The following GRID1 variants were observed in gnomAD, a reference collection of about 807,000 sequenced individuals.
GRID1 encodes the protein glutamate ionotropic receptor delta type subunit 1, also known as glutamate receptor ionotropic, delta-1.
GRID1 carries 28 observed loss-of-function variants against 98.0 expected under a neutral mutation model. The observed-to-expected ratio is 0.29, with a 90% CI of 0.21 to 0.39. The LOEUF is 0.39. Among genes scored for constraint, GRID1 ranks in the 10% least tolerant of loss-of-function variants. The pLI is 1.00. For synonymous variants in GRID1, 553 were observed against 538.5 expected, an observed-to-expected ratio of 1.03 and a Z score of -0.37; for missense variants, 1,111 against 1,340.5, an observed-to-expected ratio of 0.83 and a Z score of 2.67.
intron 12 of GRID1, among the ~76,000 whole-genome samples, chr10:85,674,912 G>A (rs1841127352): frequency 6.6e-6 from 1 of 152,172 alleles, no homozygotes; most frequent in African/African-American, 2.4e-5. Flanking sequence ...CAGAAATTTA[G>A]AGTATCGTTC....
At chr10:85,923,112 A>G (rs1198674659) in intron 4 of GRID1, among the ~76,000 whole-genome samples, 2 of 128,404 alleles carry the variant, frequency 1.6e-5, no homozygotes, top group African/African-American at 6.5e-5. Flanking sequence ...TTTTGTCCCA[A>G]GCCTTTCCCA....
intron 8 of GRID1, among the ~76,000 whole-genome samples, chr10:85,773,428 C>A (rs1425189746): frequency 2.6e-5 from 4 of 152,176 alleles, no homozygotes; most frequent in Non-Finnish European, 4.4e-5. Context: ...CAGGGATGCC[C>A]CCTCTCACCA....
At chr10:85,699,600 A>C (rs563740615) in intron 12 of GRID1, among the ~76,000 whole-genome samples, 251 of 152,316 alleles carry the variant, frequency 1.6e-3, no homozygotes, top group Middle Eastern at 0.01. Context: ...CAGTTTATTA[A>C]AAGACTTTTA....
intron 4 of GRID1, among the ~76,000 whole-genome samples, chr10:86,120,866 G>T (rs1844654780): frequency 6.6e-6 from 1 of 152,102 alleles, no homozygotes. Flanking sequence ...CATCTGGTTT[G>T]CCGGCTGCCA....
chr10:85,716,455 A>C (rs970830439), intron 12 of GRID1, among the ~76,000 whole-genome samples: 1 of 152,044 alleles, frequency 6.6e-6, no homozygotes, highest in Non-Finnish European at 1.5e-5. Context: ...AGATATACCT[A>C]ATGCTAAATG....
intron 3 of GRID1, among the ~76,000 whole-genome samples, chr10:86,162,112 T>C (rs1411319549): frequency 6.6e-6 from 1 of 152,124 alleles, no homozygotes; most frequent in African/African-American, 2.4e-5. Context: ...CTAATTAAAA[T>C]TAAATATTAA....
Position 85,633,892 on chromosome 10 carries a change from C to T in GRID1, c.2193+13310G>A, listed in dbSNP as rs1026169436. Reference sequence around the variant, plus strand: ...ACCATAAAAGTTTACTGGTAGAGGGCTGGGCGAGGTGGCTCACATCTGTAA... The same window carrying T: ...ACCATAAAAGTTTACTGGTAGAGGGTTGGGCGAGGTGGCTCACATCTGTAA... On this transcript the variant is annotated intron_variant, in intron 13 of 15. Transcript: ENST00000327946. Among the ~76,000 whole-genome samples the T allele has an allele frequency of 2.0e-5, 3 of 152,236 alleles. No individual in the cohort carries two copies. In the East Asian group the frequency reaches 5.8e-4, roughly 29 times the overall value.
At chr10:85,893,199 C>T (rs1042204635) in intron 5 of GRID1, among the ~76,000 whole-genome samples, 3 of 152,066 alleles carry the variant, frequency 2.0e-5, no homozygotes, top group African/African-American at 7.2e-5. Flanking sequence ...ATGTTAAAAA[C>T]TCTCAGCAAA....
At chr10:86,046,227 A>C (rs1168569833) in intron 4 of GRID1, among the ~76,000 whole-genome samples, 1 of 152,192 alleles carries the variant, frequency 6.6e-6, no homozygotes, top group Non-Finnish European at 1.5e-5. Context: ...CCCCGAACCT[A>C]CAAGTAATTA....
intron 8 of GRID1, among the ~76,000 whole-genome samples, chr10:85,813,196 C>T (rs1005304313): frequency 8.6e-5 from 13 of 151,008 alleles, no homozygotes; most frequent in African/African-American, 2.7e-4. Context: ...GAAAACATTC[C>T]AAATTTGATA....
chr10:85,785,753 C>T (rs116634444), intron 8 of GRID1, among the ~76,000 whole-genome samples: 3 of 152,236 alleles, frequency 2.0e-5, no homozygotes, highest in South Asian at 4.2e-4. Context: ...ATCTCCACCC[C>T]CAGACTCCCA....
chr10:85,922,698 G>T (rs896421771), intron 4 of GRID1, among the ~76,000 whole-genome samples: 1 of 152,194 alleles, frequency 6.6e-6, no homozygotes, highest in Non-Finnish European at 1.5e-5. Flanking sequence ...ATGCAGGAGC[G>T]CAACGCCCCT....
At chr10:86,362,716 A>AC (rs904148010) in intron 2 of GRID1, among the ~76,000 whole-genome samples, 1 of 151,816 alleles carries the variant, frequency 6.6e-6, no homozygotes, top group African/African-American at 2.4e-5. Flanking sequence ...ACCAGCTCTG[A>AC]CCCCCCAGAC....
Position 85,727,875 on chromosome 10 carries a change from T to C in GRID1, c.1513A>G (p.Ile505Val), listed in dbSNP as rs778875375. 4 of 1,613,702 alleles carry C rather than the reference T, an allele frequency of 2.5e-6. No homozygotes were observed. Among genetic ancestry groups the C allele is most frequent in the Middle Eastern group, 1.7e-4 (1 of 5,874 alleles). ...CCTACCTTGCTGATGAGCTCCCCGA[T>C]CATCCCGTTCCAGGAGGTGTTATGG... ...QLHNTSWNGM[I>V]GELISKRADL... The change falls in exon 10 of 16, where the codon ATC (isoleucine) becomes GTC (valine). Residue 505 changes from isoleucine to valine, a missense_variant. Ile to Val is a conservative substitution (Grantham distance 29). Transcript: ENST00000327946.
At chr10:85,817,899 AAAAG>A (rs1842730384) in intron 8 of GRID1, among the ~76,000 whole-genome samples, 1 of 152,220 alleles carries the variant, frequency 6.6e-6, no homozygotes, top group Admixed American at 6.5e-5. Flanking sequence ...TCAGAAAAAA[AAAAG>A]AATTTCATTG....
intron 4 of GRID1, among the ~76,000 whole-genome samples, chr10:86,130,788 G>C (rs540168029): frequency 9.9e-5 from 15 of 152,274 alleles, no homozygotes; most frequent in African/African-American, 3.6e-4. Context: ...GCTGGTTAAC[G>C]CTTAAGCCAT....
chr10:86,247,338 T>C (rs1589425330), intron 2 of GRID1, among the ~76,000 whole-genome samples: 1 of 149,344 alleles, frequency 6.7e-6, no homozygotes, highest in East Asian at 2.0e-4. Context: ...AATAGATGGG[T>C]GGGTAGATGG....
At chr10:85,992,830 T>A (rs1451338387) in intron 4 of GRID1, among the ~76,000 whole-genome samples, 1 of 152,068 alleles carries the variant, frequency 6.6e-6, no homozygotes, top group East Asian at 1.9e-4. Context: ...GGCGTGCACC[T>A]GTAGTCTCAG....
At chr10:86,089,589 C>T (rs943753323) in intron 4 of GRID1, among the ~76,000 whole-genome samples, 17 of 152,056 alleles carry the variant, frequency 1.1e-4, no homozygotes, top group East Asian at 1.9e-4. Context: ...TAGATTCCAG[C>T]GCTGAGATGA....
Sources: gnomAD v4.1 joint callset for allele counts (sites outside exome capture counted in the v4.1 genomes callset) on GRCh38, gnomAD v4.1.1 for gene constraint, MANE v1.5 for transcripts, NCBI Gene and HGNC (gene_info 2026-07-23, HGNC 2026-07-21) for gene names.